MDGA2: variants seen among roughly 807,000 people sequenced by gnomAD.
MDGA2 encodes the protein MAM domain-containing glycosylphosphatidylinositol anchor protein 2.
MDGA2 carries 40 observed loss-of-function variants against 117.8 expected under a neutral mutation model. That is an observed-to-expected ratio of 0.34 (90% CI 0.26 to 0.44). MDGA2 has a LOEUF of 0.44. Ranked by LOEUF, MDGA2 falls within the 20% of genes least tolerant of loss-of-function variation. The pLI is 1.00. For missense variants in MDGA2, 1,123 were observed against 1,250.6 expected (o/e 0.90, Z 1.54); for synonymous variants, 452 against 439.0 (o/e 1.03, Z -0.37).
intron 1 of MDGA2, among the ~76,000 whole-genome samples, chr14:47,308,539 C>A (rs1183357861): frequency 7.7e-6 from 1 of 130,140 alleles, no homozygotes; most frequent in Admixed American, 8.4e-5. Context: ...TCAACTCTGT[C>A]AACTTCAGGA....
chr14:47,593,817 A>G (rs1242790278), intron 1 of MDGA2, among the ~76,000 whole-genome samples: 1 of 152,112 alleles, frequency 6.6e-6, no homozygotes, highest in Non-Finnish European at 1.5e-5. Context: ...GCAAACCACC[A>G]TGGCACACGT....
chr14:47,224,618 AT>A (rs540154424), intron 2 of MDGA2, among the ~76,000 whole-genome samples: 1 of 152,166 alleles, frequency 6.6e-6, no homozygotes, highest in Non-Finnish European at 1.5e-5. Context: ...TCCCAGCATT[AT>A]TTGTACTCTG....
At chr14:47,581,947 G>A (rs1251190994) in intron 1 of MDGA2, among the ~76,000 whole-genome samples, 1 of 151,864 alleles carries the variant, frequency 6.6e-6, no homozygotes, top group African/African-American at 2.4e-5. Context: ...CAGCAGTTAA[G>A]CATGCAAGTT....
At chr14:47,618,422 C>T (rs1474143357) in intron 1 of MDGA2, among the ~76,000 whole-genome samples, 2 of 152,150 alleles carry the variant, frequency 1.3e-5, no homozygotes, top group Admixed American at 6.5e-5. Context: ...ACCTGTCCAT[C>T]AAGTCTGTGT....
At chr14:47,252,083 T>C (rs1055199449) in intron 2 of MDGA2, among the ~76,000 whole-genome samples, 1 of 152,110 alleles carries the variant, frequency 6.6e-6, no homozygotes, top group Non-Finnish European at 1.5e-5. Context: ...ACAACTTCAC[T>C]TTCAATCCAG....
chr14:47,263,438 A>G (rs545168135), intron 2 of MDGA2, among the ~76,000 whole-genome samples: 1 of 152,264 alleles, frequency 6.6e-6, no homozygotes, highest in South Asian at 2.1e-4. Context: ...TATGTGATTT[A>G]TATTTTCTGG....
intron 1 of MDGA2, among the ~76,000 whole-genome samples, chr14:47,421,236 G>C (rs1892572924): frequency 6.6e-6 from 1 of 152,102 alleles, no homozygotes; most frequent in African/African-American, 2.4e-5. Flanking sequence ...TTCAAATGAT[G>C]TTATTCAAAG....
chr14:47,364,090 C>A (rs1259147603), intron 1 of MDGA2, among the ~76,000 whole-genome samples: 2 of 151,922 alleles, frequency 1.3e-5, no homozygotes, highest in Non-Finnish European at 2.9e-5. Context: ...CAGATAGAAT[C>A]TGGACAGTCT....
intron 9 of MDGA2, among the ~76,000 whole-genome samples, chr14:46,930,909 ACT>A (rs1468492967): frequency 2.6e-5 from 4 of 151,936 alleles, no homozygotes; most frequent in Admixed American, 2.0e-4. Context: ...TTAAAATAAA[ACT>A]CTTTTTAAAA....
intron 5 of MDGA2, among the ~76,000 whole-genome samples, chr14:47,100,643 A>C (rs1388226517): frequency 6.6e-6 from 1 of 152,154 alleles, no homozygotes; most frequent in Non-Finnish European, 1.5e-5. Flanking sequence ...CTGAAATGGG[A>C]TAAGGAAACA....
chr14:46,861,965 A>G (rs1881526763), intron 14 of MDGA2, among the ~76,000 whole-genome samples: 1 of 152,040 alleles, frequency 6.6e-6, no homozygotes, highest in African/African-American at 2.4e-5. Flanking sequence ...GATTCAGCAC[A>G]TTATAGTATT....
intron 14 of MDGA2, among the ~76,000 whole-genome samples, chr14:46,869,538 G>GT (rs540308338): frequency 1.3e-5 from 2 of 151,746 alleles, no homozygotes; most frequent in Admixed American, 1.3e-4. Flanking sequence ...TTGGAAACAT[G>GT]TTTTTTTCTT....
chr14:47,509,410 G>C (rs552794170), intron 1 of MDGA2, among the ~76,000 whole-genome samples: 2 of 152,146 alleles, frequency 1.3e-5, no homozygotes, highest in Non-Finnish European at 2.9e-5. Flanking sequence ...AGCACAGAAG[G>C]GGGAAGTGTG....
At chr14:47,022,206 C>T (rs945268938) in intron 8 of MDGA2, among the ~76,000 whole-genome samples, 2 of 152,154 alleles carry the variant, frequency 1.3e-5, no homozygotes, top group Non-Finnish European at 2.9e-5. Flanking sequence ...CCACCTCAGC[C>T]TCCCAAGTAG....
chr14:47,068,931 T>C (rs1566605019), intron 6 of MDGA2, among the ~76,000 whole-genome samples: 1 of 152,170 alleles, frequency 6.6e-6, no homozygotes, highest in Non-Finnish European at 1.5e-5. Context: ...TCCAAAGTGA[T>C]TCTGCCCCTT....
chr14:47,451,544 A>C (rs1347483253), intron 1 of MDGA2, among the ~76,000 whole-genome samples: 1 of 152,128 alleles, frequency 6.6e-6, no homozygotes, highest in Non-Finnish European at 1.5e-5. Flanking sequence ...AACTAAAGGA[A>C]TCTTTGAGGC....
At chr14:47,103,332 A>G (rs997013426) in intron 5 of MDGA2, among the ~76,000 whole-genome samples, 6 of 152,214 alleles carry the variant, frequency 3.9e-5, no homozygotes, top group Non-Finnish European at 8.8e-5. Flanking sequence ...TTCAACAGGT[A>G]TTTCATTGAA....
chr14:47,547,763 C>T (rs944195561), intron 1 of MDGA2, among the ~76,000 whole-genome samples: 2 of 152,144 alleles, frequency 1.3e-5, no homozygotes, highest in Non-Finnish European at 2.9e-5. Context: ...GGTATGACCA[C>T]GAACAAGTTA....
intron 1 of MDGA2, among the ~76,000 whole-genome samples, chr14:47,533,016 C>G (rs1239022009): frequency 6.6e-6 from 1 of 152,180 alleles, no homozygotes; most frequent in Admixed American, 6.5e-5. Context: ...ATTACAGCTC[C>G]GTTGAAGTCA....
Sources: gnomAD v4.1 joint callset for allele counts (sites outside exome capture counted in the v4.1 genomes callset) on GRCh38, gnomAD v4.1.1 for gene constraint, MANE v1.5 for transcripts, NCBI Gene and HGNC (gene_info 2026-07-23, HGNC 2026-07-21) for gene names.